The following BOD1 variants were observed in gnomAD, a reference collection of about 807,000 sequenced individuals.
BOD1 encodes biorientation of chromosomes in cell division protein 1.
BOD1 carries 11 observed loss-of-function variants against 15.7 expected under a neutral mutation model. The ratio of observed to expected loss-of-function variants is 0.70; its 90% CI spans 0.44 to 1.16. The LOEUF (loss-of-function observed/expected upper bound fraction) is 1.16, where lower values mean the gene tolerates loss of function less well. Among genes scored for constraint, BOD1 ranks in the 50% most tolerant of loss-of-function variants. The pLI is 0.00. For missense variants in BOD1, 182 were observed against 244.5 expected (o/e 0.74, Z 1.70); for synonymous variants, 105 against 103.5 (o/e 1.01, Z -0.09).
Position 173,607,961 on chromosome 5 carries a change from C to A in BOD1, c.*333G>T. On this transcript the variant is annotated 3_prime_UTR_variant, in exon 4 of 4. Transcript: ENST00000311086. ...GCTTCCGTTTATCCCACAGCACAAA[C>A]CCTAAAGTCCATGTGCAGTCTCCAT... is the stretch of plus-strand genomic sequence containing the variant. 5.6e-6 allele frequency: 2 copies of A among 354,120 alleles called. No homozygotes were observed. The highest frequency in any genetic ancestry group is 5.2e-6 in the Non-Finnish European group (1 of 193,078). The allele number at this position is 354,120 out of a possible 1,614,324, so 21.9% of individuals were successfully genotyped here.
chr5:173,610,237 C>T (rs1037756498), intron 2 of BOD1, among the ~76,000 whole-genome samples: 8 of 152,140 alleles, frequency 5.3e-5, no homozygotes, highest in African/African-American at 1.9e-4. Flanking sequence ...ATTCCAATAC[C>T]ATCACAAGCA....
intron 3 of BOD1, 82 bp from the exon 4 acceptor site, chr5:173,608,374 C>T (rs1322402013): frequency 2.7e-5 from 30 of 1,119,184 alleles, no homozygotes; most frequent in Middle Eastern, 2.0e-4. Flanking sequence ...AAGGAATTTA[C>T]AATTAAAAAG....
At chr5:173,611,447 C>T (rs1755349881) in intron 2 of BOD1, among the ~76,000 whole-genome samples, 2 of 151,474 alleles carry the variant, frequency 1.3e-5, no homozygotes, top group East Asian at 3.9e-4. Flanking sequence ...AAAATGCTAG[C>T]AAGAATTGTG....
Position 173,616,502 on chromosome 5 carries a change from C to A in BOD1, c.-66G>T, listed in dbSNP as rs747600505. ...CTTCTCCAGGACAGAAGGCCTAGAA[C>A]GTGTAGAGGTGGTGAAGGGGGCGGT... On this transcript the variant is annotated 5_prime_UTR_variant, in exon 1 of 4. Transcript: ENST00000311086. 6.6e-7 allele frequency: 1 copy of A among 1,517,762 alleles called. No homozygotes were observed. The allele number at this position is 1,517,762 out of a possible 1,614,324, so 94.0% of individuals were successfully genotyped here.
Position 173,608,043 on chromosome 5 carries a change from T to C in BOD1, c.*251A>G. On this transcript the variant is annotated 3_prime_UTR_variant, in exon 4 of 4. Coordinates refer to ENST00000311086, the MANE Select transcript of BOD1 (RefSeq NM_138369.3). ...CCTGGGTTGCTGTAGTGTTTCTCTC[T>C]CTGTAGTGTCTACTTGGTGTCATGC... 1 of 477,618 alleles carries C rather than the reference T, an allele frequency of 2.1e-6. No homozygotes were observed. The highest frequency in any genetic ancestry group is 2.9e-5 in the East Asian group (1 of 34,604). 29.6% of individuals were successfully genotyped at this position (477,618 alleles called of 1,614,324 possible).
intron 2 of BOD1, 134 bp from the exon 3 acceptor site, chr5:173,609,568 A>C (rs777540905): frequency 4.3e-5 from 36 of 842,518 alleles, no homozygotes; most frequent in East Asian, 7.5e-5. Context: ...TTAGAGGTCA[A>C]TCCACTTACC....
Position 173,608,073 on chromosome 5 carries a change from G to A in BOD1, c.*221C>T. 2.1e-6 allele frequency: 1 copy of A among 473,022 alleles called. No individual in the cohort carries two copies. The highest frequency in any genetic ancestry group is 3.8e-6 in the Non-Finnish European group (1 of 263,020). 29.3% of individuals were successfully genotyped at this position (473,022 alleles called of 1,614,324 possible). ...AGTGTCTACTTGGTGTCATGCCCTTGGACAGGCTGGCCAAATGGCAGCACA... is the reference window on the plus strand; with the variant it reads ...AGTGTCTACTTGGTGTCATGCCCTTAGACAGGCTGGCCAAATGGCAGCACA... On this transcript the variant is annotated 3_prime_UTR_variant, in exon 4 of 4. Coordinates refer to ENST00000311086, the MANE Select transcript of BOD1 (RefSeq NM_138369.3).
chr5:173,616,226 C>T lies in BOD1; in HGVS notation c.211G>A (p.Asp71Asn). The T allele has an allele frequency of 6.3e-7, 1 of 1,577,170 alleles. No homozygotes were observed. The highest frequency in any genetic ancestry group is 8.6e-7 in the Non-Finnish European group (1 of 1,162,330). ...TTGGTGTCCACGTCGGCCAGGCAGTCCCGGCGGAAGCTGTCAAAAAGGCCC... is the reference window on the plus strand; with the variant it reads ...TTGGTGTCCACGTCGGCCAGGCAGTTCCGGCGGAAGCTGTCAAAAAGGCCC... ...SRGLFDSFRR[D>N]CLADVDTKPA... The change falls in exon 1 of 4, where the codon GAC (aspartate) becomes AAC (asparagine). Residue 71 changes from aspartate to asparagine, a missense_variant. Asp to Asn is a conservative substitution (Grantham distance 23, BLOSUM62 1). Around this residue, in one of 3 missense-constraint regions of BOD1, gnomAD observed 70 missense variants for 130.3 expected, o/e 0.54. Coordinates refer to ENST00000311086, the MANE Select transcript of BOD1 (RefSeq NM_138369.3).
In BOD1 at chr5:173,613,362, A is replaced by T. The variant is rs924872464; in HGVS notation, c.238-107T>A. ...CACAGAAACGTTATTAAGTCTAAAT[A>T]CACTTCCACTGTGCATGAAGATCAC... On this transcript the variant is annotated intron_variant, in intron 1 of 3. Coordinates refer to ENST00000311086, the MANE Select transcript of BOD1 (RefSeq NM_138369.3). The T allele has an allele frequency of 6.1e-6, 8 of 1,317,148 alleles. No individual in the cohort carries two copies. In the African/African-American group the frequency reaches 7.3e-5, roughly 12 times the overall value. 81.6% of individuals were successfully genotyped at this position (1,317,148 alleles called of 1,614,324 possible). A position where few individuals can be genotyped will look rare whatever the true frequency, so the allele number is the denominator to read the frequency against.
In BOD1 at chr5:173,616,245, A is replaced by G; in HGVS notation, c.192T>C (p.Leu64=). The change falls in exon 1 of 4, where the codon CTT becomes CTC. Residue 64 remains leucine (L), a synonymous_variant. Coordinates refer to ENST00000311086, the MANE Select transcript of BOD1 (RefSeq NM_138369.3). ...LIVEQLKSRG[L]FDSFRRDCLA... is the part of the protein sequence containing the mutation. Reference sequence around the variant, plus strand: ...GGCAGTCCCGGCGGAAGCTGTCAAAAAGGCCCCGGCTCTTGAGCTGCTCCA... The same window carrying G: ...GGCAGTCCCGGCGGAAGCTGTCAAAGAGGCCCCGGCTCTTGAGCTGCTCCA... 1 of 1,573,230 alleles carries G rather than the reference A, an allele frequency of 6.4e-7. No homozygotes were observed.
rs1019887611 is a variant in BOD1 at position 173,616,619 on chromosome 5, A to T, written c.-183T>A. 3.7e-5 allele frequency: 49 copies of T among 1,334,834 alleles called. No individual in the cohort carries two copies. The highest frequency in any genetic ancestry group is 4.6e-5 in the Non-Finnish European group (48 of 1,048,896). The allele number at this position is 1,334,834 out of a possible 1,614,324, so 82.7% of individuals were successfully genotyped here. A position where few individuals can be genotyped will look rare whatever the true frequency, so the allele number is the denominator to read the frequency against. On this transcript the variant is annotated 5_prime_UTR_variant, in exon 1 of 4. Coordinates refer to ENST00000311086, the MANE Select transcript of BOD1 (RefSeq NM_138369.3). ...GGCGGCGGCGAAGGCCCCCTCTGAT[A>T]CAGCAGAGGTTGTGGTGGACGCGGC...
chr5:173,612,910 G>C (rs189630712), intron 2 of BOD1, among the ~76,000 whole-genome samples: 5 of 152,236 alleles, frequency 3.3e-5, no homozygotes, highest in African/African-American at 7.2e-5. Context: ...ACCCAGTAGA[G>C]ATGCACACAG....
Position 173,613,193 on chromosome 5 carries a change from C to G in BOD1, c.300G>C (p.Gln100His). ...DNFVSTHLDK[Q>H]EWNPTMNKNQ... ...TTTTGTTCATCGTAGGATTCCATTC[C>G]TGCTTGTCCAGATGTGTTGACACAA... The change falls in exon 2 of 4, where the codon CAG (glutamine) becomes CAC (histidine). Residue 100 changes from glutamine to histidine, a missense_variant. Gln to His is a conservative substitution (Grantham distance 24). Coordinates refer to ENST00000311086, the MANE Select transcript of BOD1 (RefSeq NM_138369.3). 6.2e-7 allele frequency: 1 copy of G among 1,614,174 alleles called. No individual in the cohort carries two copies.
chr5:173,614,935 T>C (rs1397624938), intron 1 of BOD1: 1 of 152,252 alleles, frequency 6.6e-6, no homozygotes, highest in East Asian at 1.9e-4. Context: ...AGTACTTCCA[T>C]ACCGCAACAA....
intron 1 of BOD1, among the ~76,000 whole-genome samples, 180 bp from the exon 2 acceptor site, chr5:173,613,435 T>C (rs1252935525): frequency 6.6e-6 from 1 of 152,216 alleles, no homozygotes; most frequent in Non-Finnish European, 1.5e-5. Flanking sequence ...AGTGCCCACC[T>C]GATGGTGGGT....
intron 2 of BOD1, among the ~76,000 whole-genome samples, chr5:173,611,474 T>C (rs902572541): frequency 6.6e-6 from 1 of 152,096 alleles, no homozygotes; most frequent in African/African-American, 2.4e-5. Context: ...TGTCCCAGTA[T>C]TAAAGCCAAG....
At chr5:173,615,198 A>C (rs557085373) in intron 1 of BOD1, among the ~76,000 whole-genome samples, 1 of 152,256 alleles carries the variant, frequency 6.6e-6, no homozygotes, top group African/African-American at 2.4e-5. Context: ...TTCTCTCTCT[A>C]CATCCGTATT....
chr5:173,616,584 TGGTGG>T lies in BOD1; in HGVS notation c.-153_-149del. The T allele has an allele frequency of 7.3e-7, 1 of 1,362,218 alleles. No individual in the cohort carries two copies. Among genetic ancestry groups the T allele is most frequent in the South Asian group, 1.7e-5 (1 of 58,898 alleles). 84.4% of individuals were successfully genotyped at this position (1,362,218 alleles called of 1,614,324 possible). A position where few individuals can be genotyped will look rare whatever the true frequency, so the allele number is the denominator to read the frequency against. ...GAGGTGGCGATGGCGGCAGGGGCGG[TGGTGG>T]GGGCGGCGGCGGCGAAGGCCCCCTC... On this transcript the variant is annotated 5_prime_UTR_variant, in exon 1 of 4. Transcript: ENST00000311086.
chr5:173,610,268 T>G (rs1477254385), intron 2 of BOD1, among the ~76,000 whole-genome samples: 2 of 152,232 alleles, frequency 1.3e-5, no homozygotes, highest in Non-Finnish European at 2.9e-5. Context: ...TTTTACTTAT[T>G]TTCCCGTAGA....
Sources: gnomAD v4.1 joint callset for allele counts (sites outside exome capture counted in the v4.1 genomes callset) on GRCh38, gnomAD v4.1.1 for gene constraint, gnomAD v4.1.1 regional missense constraint, MANE v1.5 for transcripts, NCBI Gene and HGNC (gene_info 2026-07-23, HGNC 2026-07-21) for gene names.